The following TMEM220 variants were observed in gnomAD, a reference collection of about 807,000 sequenced individuals.
TMEM220 encodes transmembrane protein 220.
Under a neutral mutation model 21.7 loss-of-function variants are expected in TMEM220, and 21 were observed. The ratio of observed to expected loss-of-function variants is 0.97; its 90% CI spans 0.69 to 1.39. TMEM220 has a LOEUF of 1.39. TMEM220 is among the 40% of genes most tolerant of loss of function. The pLI, the probability that TMEM220 is intolerant of heterozygous loss-of-function variation, is 0.00. For synonymous variants in TMEM220, 80 were observed against 73.6 expected (o/e 1.09, Z -0.45); for missense variants, 191 against 201.9 (o/e 0.95, Z 0.33).
In TMEM220 at chr17:10,729,032, A is replaced by C; in HGVS notation, c.101T>G (p.Val34Gly). 4.3e-6 allele frequency: 7 copies of C among 1,614,108 alleles called. No homozygotes were observed. Among genetic ancestry groups the C allele is most frequent in the Non-Finnish European group, 5.9e-6 (7 of 1,180,022 alleles). ...QVNDPDAEVWVVVYTIPAVLT... is the reference protein window; with the variant it reads ...QVNDPDAEVWGVVYTIPAVLT... The stretch of plus-strand genomic sequence containing the variant: ...AGCCTGGAAGCGGCTCATACTCACC[A>C]CCCACACCTCTGCATCTGGGTCATT... The change falls in exon 2 of 6, where the codon GTG (valine) becomes GGG (glycine). Residue 34 changes from valine to glycine, a missense_variant and splice_region_variant. By Grantham distance (109) the Val-to-Gly change is moderately radical. Transcript: ENST00000341871.
At chr17:10,723,368 A>G in intron 4 of TMEM220, 39 bp from the exon 5 acceptor site, 2 of 1,530,726 alleles carry the variant, frequency 1.3e-6, no homozygotes, top group African/African-American at 1.4e-5. Flanking sequence ...GGAAGTGGCT[A>G]CAAGTGAGAT....
chr17:10,725,598 G>A (rs909031128), intron 3 of TMEM220, among the ~76,000 whole-genome samples: 1 of 152,202 alleles, frequency 6.6e-6, no homozygotes, highest in African/African-American at 2.4e-5. Flanking sequence ...TGAATGGGGG[G>A]CTGCAGGGCC....
chr17:10,729,840 C>T lies in TMEM220; in HGVS notation c.12G>A (p.Ala4=). 1.5e-6 allele frequency: 2 copies of T among 1,376,034 alleles called. No individual in the cohort carries two copies. Among genetic ancestry groups the T allele is most frequent in the African/African-American group, 1.5e-5 (1 of 66,908 alleles). 85.2% of individuals were successfully genotyped at this position (1,376,034 alleles called of 1,614,324 possible). A position where few individuals can be genotyped will look rare whatever the true frequency, so the allele number is the denominator to read the frequency against. Residue 4 remains alanine, a synonymous_variant, in exon 1 of 6, where the codon GCG becomes GCA. Coordinates refer to ENST00000341871, the MANE Select transcript of TMEM220 (RefSeq NM_001004313.3). ...TGAGTCCGTTGCAGGCCCGCCACAG[C>T]GCTGGCGCCATGGCTCGGAGAACAC... MAP[A]LWRACNGLMA...
At chr17:10,711,253 T>C, downstream of TMEM220, 4 of 852,204 alleles carry the variant, frequency 4.7e-6, no homozygotes. Context: ...CATAACAAAA[T>C]GTATTTATAG....
In TMEM220 at chr17:10,723,311, C is replaced by G; in HGVS notation, c.306G>C (p.Val102=). Residue 102 remains valine (V), a synonymous_variant, in exon 5 of 6, where the codon GTG becomes GTC. Transcript: ENST00000341871. Reference sequence around the variant, plus strand: ...ACAGGATAATCCATGCTGTAATAATCACCAGACCAGACAGCTCCCTATAAA... The same window carrying G: ...ACAGGATAATCCATGCTGTAATAATGACCAGACCAGACAGCTCCCTATAAA... ...EEEGRELSGL[V]IITAWIILCH... 6.2e-7 allele frequency: 1 copy of G among 1,614,068 alleles called. No homozygotes were observed. The highest frequency in any genetic ancestry group is 8.5e-7 in the Non-Finnish European group (1 of 1,179,986).
chr17:10,725,028 T>G lies in TMEM220; in HGVS notation c.270A>C (p.Leu90Phe). The change falls in exon 4 of 6, where the codon TTA (leucine) becomes TTC (phenylalanine). Residue 90 changes from leucine (L) to phenylalanine (F), a missense_variant. Leu to Phe is a conservative substitution (Grantham distance 22). Coordinates refer to ENST00000341871, the MANE Select transcript of TMEM220 (RefSeq NM_001004313.3). Reference sequence around the variant, plus strand: ...CCGCTCACCTGCCTTCTTCCTCATGTAAGATGTTCTGTTGTGTACGATGCA... The same window carrying G: ...CCGCTCACCTGCCTTCTTCCTCATGGAAGATGTTCTGTTGTGTACGATGCA... ...YLLHRTQQNI[L>F]HEEEGRELSG... 6.2e-7 allele frequency: 1 copy of G among 1,614,164 alleles called. No homozygotes were observed. The highest frequency in any genetic ancestry group is 8.5e-7 in the Non-Finnish European group (1 of 1,180,020).
intron 5 of TMEM220, 98 bp from the exon 6 acceptor site, chr17:10,715,686 A>C: frequency 1.2e-6 from 1 of 864,352 alleles, no homozygotes; most frequent in Non-Finnish European, 1.7e-6. Flanking sequence ...ACATTTTAGT[A>C]TGTTCTCATC....
At chr17:10,729,751 G>T in intron 1 of TMEM220, 29 bp downstream of exon 1, 1 of 1,336,840 alleles carries the variant, frequency 7.5e-7, no homozygotes. Context: ...GGAGCCGGGC[G>T]GGTCCCCCTC....
rs1440718288 is a variant in TMEM220, at chr17:10,726,197, C to T, written c.163+7G>A. The stretch of plus-strand genomic sequence containing the variant: ...CTGTCTCTCCATTTAGAATGCAAGG[C>T]TTATACCTGTGACTTCAGGGTTAAG... On this transcript the variant is annotated splice_region_variant and intron_variant, in intron 3 of 5. Coordinates refer to ENST00000341871, the MANE Select transcript of TMEM220 (RefSeq NM_001004313.3). The T allele has an allele frequency of 1.2e-6, 2 of 1,612,318 alleles. No homozygotes were observed. The highest frequency in any genetic ancestry group is 2.7e-5 in the African/African-American group (2 of 74,886).
intron 1 of TMEM220, 32 bp downstream of exon 1, chr17:10,729,748 G>A (rs1417684176): frequency 2.2e-6 from 3 of 1,334,060 alleles, no homozygotes; most frequent in African/African-American, 1.5e-5. Context: ...CTGGGAGCCG[G>A]GCGGGTCCCC....
rs1461177864 is a variant in TMEM220 at position 10,729,642 on chromosome 17, A to G, written c.72+138T>C. 9 of 682,662 alleles carry G rather than the reference A, an allele frequency of 1.3e-5. No homozygotes were observed. In the South Asian group the frequency reaches 3.1e-4, roughly 23 times the overall value. 42.3% of individuals were successfully genotyped at this position (682,662 alleles called of 1,614,324 possible). On this transcript the variant is annotated intron_variant, in intron 1 of 5. Transcript: ENST00000341871. ...CGGGGGAGAAAGTGGGGGCTCCCCA[A>G]GCAGAAAGCCCAAGTCCCGTCCTCC...
At chr17:10,725,572 T>A (rs1809728202) in intron 3 of TMEM220, among the ~76,000 whole-genome samples, 1 of 152,214 alleles carries the variant, frequency 6.6e-6, no homozygotes, top group South Asian at 2.1e-4. Flanking sequence ...CCACTGGACG[T>A]GGCATCGTGA....
At chr17:10,716,331 C>G in intron 5 of TMEM220, 1 of 647,600 alleles carries the variant, frequency 1.5e-6, no homozygotes, top group South Asian at 1.4e-5. Context: ...CAATTATACT[C>G]TTCAGTTCCT....
At chr17:10,721,277 A>G (rs909896815) in intron 5 of TMEM220, among the ~76,000 whole-genome samples, 2 of 152,202 alleles carry the variant, frequency 1.3e-5, no homozygotes, top group African/African-American at 2.4e-5. Context: ...CTGAGCATCA[A>G]TAAAGACAAT....
At chr17:10,729,349 C>T (rs572283489) in intron 1 of TMEM220, among the ~76,000 whole-genome samples, 124 of 152,262 alleles carry the variant, frequency 8.1e-4, no homozygotes, top group African/African-American at 2.9e-3. Flanking sequence ...CCTCCACCCC[C>T]ACCAGTCTCA....
chr17:10,725,813 C>T (rs2075042922), intron 3 of TMEM220, among the ~76,000 whole-genome samples: 1 of 152,192 alleles, frequency 6.6e-6, no homozygotes, highest in Non-Finnish European at 1.5e-5. Flanking sequence ...ACTGATCTAC[C>T]TTAAAGATGC....
chr17:10,715,616 T>C (rs747000940), intron 5 of TMEM220, 28 bp from the exon 6 acceptor site: 1 of 1,529,842 alleles, frequency 6.5e-7, no homozygotes, highest in East Asian at 2.3e-5. Flanking sequence ...TTATTATAAA[T>C]AAAAATCATG....
rs1477132936 is a variant in TMEM220 at position 10,715,231 on chromosome 17, TTA to T, written c.*220_*221del. 1 of 387,952 alleles carries T rather than the reference TTA, an allele frequency of 2.6e-6. No homozygotes were observed. The highest frequency in any genetic ancestry group is 4.6e-6 in the Non-Finnish European group (1 of 218,260). 24.0% of individuals were successfully genotyped at this position (387,952 alleles called of 1,614,324 possible). On this transcript the variant is annotated 3_prime_UTR_variant, in exon 6 of 6. Transcript: ENST00000341871. The stretch of plus-strand genomic sequence containing the variant: ...CTATTCTCTAGCCTTTTCCACTACA[TTA>T]TGACACAAGACCCTGCAGAAAGTCG...
chr17:10,727,325 T>G (rs1286989314), intron 2 of TMEM220, among the ~76,000 whole-genome samples: 2 of 152,018 alleles, frequency 1.3e-5, no homozygotes, highest in African/African-American at 4.8e-5. Flanking sequence ...TATTTTGTGT[T>G]TTGAGGGGCT....
Sources: allele counts gnomAD v4.1 joint callset (sites outside exome capture counted in the v4.1 genomes callset), GRCh38; gene constraint gnomAD v4.1.1; transcripts MANE v1.5; gene names NCBI Gene and HGNC (gene_info 2026-07-23, HGNC 2026-07-21).